The following SOX5 variants were observed in gnomAD, a reference collection of about 807,000 sequenced individuals.
SOX5 encodes SRY-box transcription factor 5.
In SOX5, 9 loss-of-function variants were observed where a neutral mutation model predicts 92.0. The observed-to-expected ratio is 0.10, with a 90% CI of 0.06 to 0.17. The LOEUF (loss-of-function observed/expected upper bound fraction) is 0.17. Among genes scored for constraint, SOX5 ranks in the 10% least tolerant of loss-of-function variants. The pLI, the probability that SOX5 is intolerant of heterozygous loss-of-function variation, is 1.00. For synonymous variants in SOX5, 344 were observed against 336.3 expected, an observed-to-expected ratio of 1.02 and a Z score of -0.25; for missense variants, 642 against 944.5, an observed-to-expected ratio of 0.68 and a Z score of 4.20.
intron 11 of SOX5, among the ~76,000 whole-genome samples, chr12:23,552,484 G>GAA (rs958375397): frequency 6.7e-6 from 1 of 148,984 alleles, no homozygotes; most frequent in Non-Finnish European, 1.5e-5. Context: ...ACAGGATCCT[G>GAA]AAAAAAAAAG....
chr12:23,670,264 G>C (rs1166181220), intron 6 of SOX5, among the ~76,000 whole-genome samples: 11 of 152,102 alleles, frequency 7.2e-5, no homozygotes, highest in Admixed American at 7.2e-4. Flanking sequence ...CATTAGAACA[G>C]AGGGTAGAAA....
At chr12:24,531,111 G>T (rs1231240422) in intron 1 of SOX5, among the ~76,000 whole-genome samples, 1 of 152,110 alleles carries the variant, frequency 6.6e-6, no homozygotes, top group Non-Finnish European at 1.5e-5. Flanking sequence ...GTCTACAAGT[G>T]ACCAGACTGG....
intron 3 of SOX5, among the ~76,000 whole-genome samples, chr12:23,768,934 T>C (rs1037790285): frequency 2.6e-5 from 4 of 152,188 alleles, no homozygotes; most frequent in African/African-American, 9.6e-5. Flanking sequence ...GAACAAAAGA[T>C]AAATTACTTC....
chr12:23,684,796 T>C (rs2087227675), intron 6 of SOX5, among the ~76,000 whole-genome samples: 1 of 152,156 alleles, frequency 6.6e-6, no homozygotes, highest in Admixed American at 6.6e-5. Context: ...ACTTCCTAAC[T>C]GTGCAACTGG....
At chr12:23,586,739 T>C (rs961879771) in intron 9 of SOX5, among the ~76,000 whole-genome samples, 1 of 151,824 alleles carries the variant, frequency 6.6e-6, no homozygotes, top group Admixed American at 6.6e-5. Flanking sequence ...CTTTTTTGAT[T>C]AGATGAATTT....
chr12:23,601,988 C>T (rs898086459), intron 9 of SOX5, among the ~76,000 whole-genome samples: 1 of 152,064 alleles, frequency 6.6e-6, no homozygotes, highest in Non-Finnish European at 1.5e-5. Flanking sequence ...CTTAGTTAAA[C>T]CTTTGTGTAT....
chr12:24,355,521 T>C (rs1954727263), intron 2 of SOX5, among the ~76,000 whole-genome samples: 2 of 151,982 alleles, frequency 1.3e-5, no homozygotes, highest in South Asian at 2.1e-4. Context: ...ATGGGCATTT[T>C]AAAATGCCTT....
intron 4 of SOX5, among the ~76,000 whole-genome samples, chr12:24,154,216 T>C (rs756245325): frequency 1.3e-5 from 2 of 152,182 alleles, no homozygotes; most frequent in Admixed American, 6.5e-5. Context: ...CTTTTGCTTA[T>C]ATGTGTTATC....
At chr12:23,538,507 G>T (rs932570138) in intron 13 of SOX5, among the ~76,000 whole-genome samples, 4 of 152,128 alleles carry the variant, frequency 2.6e-5, no homozygotes, top group Admixed American at 1.3e-4. Context: ...CAAACTCCTT[G>T]TTGGCCCAGC....
intron 3 of SOX5, among the ~76,000 whole-genome samples, chr12:24,246,308 G>T (rs1938700641): frequency 6.7e-6 from 1 of 149,666 alleles, no homozygotes. Flanking sequence ...AAGATTGTTG[G>T]AAGTAAAAGA....
At chr12:23,626,190 C>T (rs1223797790) in intron 8 of SOX5, among the ~76,000 whole-genome samples, 1 of 151,788 alleles carries the variant, frequency 6.6e-6, no homozygotes, top group Non-Finnish European at 1.5e-5. Flanking sequence ...ATTTTTAAAT[C>T]TTTAGAAGCC....
intron 1 of SOX5, among the ~76,000 whole-genome samples, chr12:24,446,457 CAGAAAAAATCAGCATA>C (rs1941486296): frequency 6.6e-6 from 1 of 152,096 alleles, no homozygotes; most frequent in Non-Finnish European, 1.5e-5. Context: ...TTGTAAGGAA[CAGAAAAAATCAGCATA>C]TGGCTAAAAT....
intron 2 of SOX5, among the ~76,000 whole-genome samples, chr12:24,355,836 T>C (rs1352649768): frequency 6.6e-6 from 1 of 152,214 alleles, no homozygotes; most frequent in African/African-American, 2.4e-5. Flanking sequence ...ATATAAATAA[T>C]TCCCTTTTAC....
At chr12:24,386,577 A>C (rs1361655054) in intron 1 of SOX5, among the ~76,000 whole-genome samples, 1 of 152,220 alleles carries the variant, frequency 6.6e-6, no homozygotes, top group Admixed American at 6.5e-5. Flanking sequence ...AAATATATGA[A>C]ATTGGCAAGA....
intron 1 of SOX5, among the ~76,000 whole-genome samples, chr12:23,913,348 T>G (rs925138078): frequency 1.3e-5 from 2 of 152,128 alleles, no homozygotes; most frequent in Non-Finnish European, 2.9e-5. Flanking sequence ...TTTTCTTTTC[T>G]TTTTTTAAGT....
At chr12:24,160,869 A>T (rs1565559092) in intron 4 of SOX5, among the ~76,000 whole-genome samples, 1 of 152,074 alleles carries the variant, frequency 6.6e-6, no homozygotes, top group African/African-American at 2.4e-5. Context: ...CTCATAGTAC[A>T]CTGCCTCTAG....
At chr12:24,485,278 T>A (rs1476824474) in intron 1 of SOX5, among the ~76,000 whole-genome samples, 1 of 152,224 alleles carries the variant, frequency 6.6e-6, no homozygotes, top group Non-Finnish European at 1.5e-5. Context: ...TCAACTTATA[T>A]AAATAATTGC....
In SOX5 at chr12:23,705,504, T is replaced by C. The variant is rs537112860; in HGVS notation, c.810+29180A>G. ...AAACACACACATACACACACACACA[T>C]ACACAGTAAGGCTGTCTTCTCAACC... On this transcript the variant is annotated intron_variant, in intron 6 of 14. Transcript: ENST00000451604. Among the ~76,000 whole-genome samples, 312 of 151,952 alleles carry C rather than the reference T, an allele frequency of 2.1e-3. 1 individual carries two copies. Among genetic ancestry groups the C allele is most frequent in the Non-Finnish European group, 3.3e-3 (225 of 67,838 alleles).
intron 3 of SOX5, among the ~76,000 whole-genome samples, chr12:24,270,617 C>G (rs543774124): frequency 6.6e-6 from 1 of 152,306 alleles, no homozygotes; most frequent in East Asian, 1.9e-4. Flanking sequence ...TCATTACTGG[C>G]ACTCTCTCTT....
Sources: gnomAD v4.1 joint callset for allele counts (sites outside exome capture counted in the v4.1 genomes callset) on GRCh38, gnomAD v4.1.1 for gene constraint, MANE v1.5 for transcripts, NCBI Gene and HGNC (gene_info 2026-07-23, HGNC 2026-07-21) for gene names.